Variants in RASA1 observed in about 807,000 individuals in gnomAD.
The protein encoded by RASA1 is RAS p21 protein activator 1.
Under a neutral mutation model 132.2 loss-of-function variants are expected in RASA1, and 25 were observed. The ratio of observed to expected loss-of-function variants is 0.19; its 90% confidence interval spans 0.14 to 0.26. The LOEUF (loss-of-function observed/expected upper bound fraction) is 0.26, where lower values mean the gene tolerates loss of function less well. Among genes scored for constraint, RASA1 ranks in the 10% least tolerant of loss-of-function variants. The pLI is 1.00. For missense variants in RASA1, 964 were observed against 1,299.2 expected, an observed-to-expected ratio of 0.74 and a Z score of 3.97; for synonymous variants, 477 against 449.9, an observed-to-expected ratio of 1.06 and a Z score of -0.76.
intron 18 of RASA1, 63 bp from the exon 19 acceptor site, chr5:87,379,672 C>T: frequency 6.3e-7 from 1 of 1,586,128 alleles, no homozygotes; most frequent in Non-Finnish European, 8.6e-7. Context: ...TACTTGTTTT[C>T]CTCTATTCAT....
chr5:87,277,267 T>C (rs528071888), intron 1 of RASA1, among the ~76,000 whole-genome samples: 1 of 152,286 alleles, frequency 6.6e-6, no homozygotes, highest in South Asian at 2.1e-4. Flanking sequence ...CTTAACGTAC[T>C]TCAGGGCTGG....
Position 87,383,771 on chromosome 5 carries a change from A to G in RASA1, c.2749A>G (p.Ile917Val). The G allele has an allele frequency of 6.8e-6, 11 of 1,609,790 alleles. No homozygotes were observed. Among genetic ancestry groups the G allele is most frequent in the Non-Finnish European group, 9.3e-6 (11 of 1,177,420 alleles). Residue 917 changes from isoleucine to valine, a missense_variant, in exon 21 of 25, where the codon ATC (isoleucine) becomes GTC (valine). Transcript: ENST00000274376. ...CATCCTGAATCCACGGATGTTCAAT[A>G]TCATCTCAGGTAATCAGCTTTTGAT... ...PAILNPRMFN[I>V]ISDSPSPIAA...
intron 14 of RASA1, among the ~76,000 whole-genome samples, 190 bp downstream of exon 14, chr5:87,374,510 T>A (rs1471267396): frequency 6.7e-6 from 1 of 149,836 alleles, no homozygotes; most frequent in Non-Finnish European, 1.5e-5. Context: ...TGAAGTGCTA[T>A]GCCCTTGGTT....
At chr5:87,332,472 A>G (rs1580282459) in intron 2 of RASA1, 35 bp from the exon 3 acceptor site, 1 of 1,574,880 alleles carries the variant, frequency 6.3e-7, no homozygotes. Flanking sequence ...GGCTGTAAAG[A>G]TTTTTTTATA....
intron 11 of RASA1, 117 bp from the exon 12 acceptor site, chr5:87,369,692 ATTAT>A: frequency 2.8e-6 from 2 of 719,196 alleles, no homozygotes; most frequent in South Asian, 1.8e-5. Flanking sequence ...ACAATGGAGT[ATTAT>A]TTCTTTAAGA....
intron 15 of RASA1, 160 bp from the exon 16 acceptor site, chr5:87,376,233 T>G: frequency 1.2e-6 from 1 of 806,722 alleles, no homozygotes; most frequent in Non-Finnish European, 2.0e-6. Context: ...AGACACTCAG[T>G]AAATAAACAA....
At chr5:87,295,003 T>C (rs2112273753) in intron 1 of RASA1, among the ~76,000 whole-genome samples, 1 of 152,342 alleles carries the variant, frequency 6.6e-6, no homozygotes, top group South Asian at 2.1e-4. Context: ...TCTGGTTTTT[T>C]TTTATTTTTA....
At chr5:87,339,170 A>G (rs529379517) in intron 5 of RASA1, among the ~76,000 whole-genome samples, 2 of 152,200 alleles carry the variant, frequency 1.3e-5, no homozygotes, top group East Asian at 3.9e-4. Context: ...TGCAGTGGAG[A>G]ATATTGTTTT....
At chr5:87,277,312 CT>C (rs1192904583) in intron 1 of RASA1, among the ~76,000 whole-genome samples, 9 of 152,196 alleles carry the variant, frequency 5.9e-5, no homozygotes, top group African/African-American at 1.7e-4. Flanking sequence ...TAGTTCCCCC[CT>C]GTCCCCCATA....
At chr5:87,294,145 A>G (rs1048200161) in intron 1 of RASA1, 4 of 151,916 alleles carry the variant, frequency 2.6e-5, no homozygotes, top group African/African-American at 4.8e-5. Flanking sequence ...CTTGCTTTCT[A>G]TGATGAAGTT....
Position 87,283,150 on chromosome 5 carries a change from T to G in RASA1, c.539+14160T>G, listed in dbSNP as rs201691104. On this transcript the variant is annotated intron_variant, in intron 1 of 24. Transcript: ENST00000274376. ...AGTAAGTTTTGTTTTTTTTTTGTGT[T>G]TTTTTTTTTTTTGGTTGTTATTGTA... Among the ~76,000 whole-genome samples, 295 of 140,492 alleles carry G rather than the reference T, an allele frequency of 2.1e-3. 5 individuals carry two copies. The highest frequency in any genetic ancestry group is 7.2e-3 in the East Asian group (37 of 5,124). The allele number at this position is 140,492 out of a possible 152,430, so 92.2% of individuals were successfully genotyped here.
intron 1 of RASA1, among the ~76,000 whole-genome samples, chr5:87,322,768 C>T (rs551517401): frequency 2.9e-4 from 44 of 152,192 alleles, no homozygotes; most frequent in African/African-American, 1.0e-3. Context: ...GAACTGTGGA[C>T]GAAAACCTAT....
intron 11 of RASA1, among the ~76,000 whole-genome samples, chr5:87,368,922 A>C (rs1760726950): frequency 6.6e-6 from 1 of 152,132 alleles, no homozygotes; most frequent in African/African-American, 2.4e-5. Context: ...GTTTTATCCA[A>C]CTAGGGTGGT....
chr5:87,340,029 G>A (rs1378928100), intron 5 of RASA1, among the ~76,000 whole-genome samples: 1 of 152,072 alleles, frequency 6.6e-6, no homozygotes, highest in Non-Finnish European at 1.5e-5. Flanking sequence ...CTCTCTGAGG[G>A]GAGGGATTTT....
intron 24 of RASA1, among the ~76,000 whole-genome samples, chr5:87,390,485 T>G (rs1490396232): frequency 6.6e-6 from 1 of 151,594 alleles, no homozygotes; most frequent in African/African-American, 2.4e-5. Flanking sequence ...AGATATTAAA[T>G]AAAAAAAGCC....
At chr5:87,388,057 AC>A (rs1439912985) in intron 23 of RASA1, among the ~76,000 whole-genome samples, 3 of 152,092 alleles carry the variant, frequency 2.0e-5, no homozygotes, top group Non-Finnish European at 4.4e-5. Context: ...CTTTTGCTGA[AC>A]CCCAAACATG....
chr5:87,391,212 C>T lies in RASA1; in HGVS notation c.*329C>T, dbSNP rs1005288857. On this transcript the variant is annotated 3_prime_UTR_variant, in exon 25 of 25. Coordinates refer to ENST00000274376, the MANE Select transcript of RASA1 (RefSeq NM_002890.3). The stretch of plus-strand genomic sequence containing the variant: ...ACTTTCAAAATATATTTTCAGTACA[C>T]CCAGTTGCCAAAGTTTTGCTGTCTC... 10 of 443,416 alleles carry T rather than the reference C, an allele frequency of 2.3e-5. No individual in the cohort carries two copies. The highest frequency in any genetic ancestry group is 1.7e-4 in the African/African-American group (9 of 51,472). The allele number at this position is 443,416 out of a possible 1,614,324, so 27.5% of individuals were successfully genotyped here.
At chr5:87,372,033 G>T in intron 12 of RASA1, 85 bp from the exon 13 acceptor site, 1 of 1,096,480 alleles carries the variant, frequency 9.1e-7, no homozygotes, top group Non-Finnish European at 1.2e-6. Context: ...AAAAATTGTT[G>T]AATTTGAAAA....
chr5:87,323,580 T>G (rs1756988727), intron 1 of RASA1, among the ~76,000 whole-genome samples: 1 of 152,250 alleles, frequency 6.6e-6, no homozygotes, highest in African/African-American at 2.4e-5. Context: ...TATGTCTGTA[T>G]TCAGCAAGTA....
Sources: allele counts gnomAD v4.1 joint callset (sites outside exome capture counted in the v4.1 genomes callset), GRCh38; gene constraint gnomAD v4.1.1; transcripts MANE v1.5; gene names NCBI Gene and HGNC (gene_info 2026-07-23, HGNC 2026-07-21).